MFAP5: variants seen among roughly 807,000 people sequenced by gnomAD.
MFAP5 encodes microfibrillar-associated protein 5.
In MFAP5, 19 loss-of-function variants were observed where a neutral mutation model predicts 30.1. The observed-to-expected ratio is 0.63, with a 90% CI of 0.44 to 0.93. The LOEUF is 0.93. Among genes scored for constraint, MFAP5 ranks in the 40% least tolerant of loss-of-function variants. The pLI, the probability that MFAP5 is intolerant of heterozygous loss-of-function variation, is 0.00. For synonymous variants in MFAP5, 92 were observed against 72.9 expected (o/e 1.26, Z -1.33); for missense variants, 210 against 221.3 (o/e 0.95, Z 0.32).
At chr12:8,656,275 C>T (rs1941984032) in intron 3 of MFAP5, among the ~76,000 whole-genome samples, 1 of 151,676 alleles carries the variant, frequency 6.6e-6, no homozygotes. Context: ...GTCTCGATCT[C>T]CTGACCTCGT....
chr12:8,660,186 T>C (rs1357981780), intron 3 of MFAP5, among the ~76,000 whole-genome samples: 6 of 150,498 alleles, frequency 4.0e-5, no homozygotes, highest in Non-Finnish European at 7.4e-5. Flanking sequence ...ACTTCTTTTT[T>C]TCTAATTTTT....
At chr12:8,651,416 A>G (rs1361288737) in intron 7 of MFAP5, among the ~76,000 whole-genome samples, 1 of 152,174 alleles carries the variant, frequency 6.6e-6, no homozygotes, top group African/African-American at 2.4e-5. Flanking sequence ...ATAATGTGCA[A>G]GGGTACTTTA....
At chr12:8,658,019 C>G (rs1415874195) in intron 3 of MFAP5, among the ~76,000 whole-genome samples, 8 of 152,178 alleles carry the variant, frequency 5.3e-5, no homozygotes, top group Non-Finnish European at 1.2e-4. Context: ...ATTTCCCTTG[C>G]TTACCTCATC....
intron 3 of MFAP5, among the ~76,000 whole-genome samples, chr12:8,660,038 G>A (rs1163943717): frequency 6.6e-6 from 1 of 152,112 alleles, no homozygotes; most frequent in African/African-American, 2.4e-5. Context: ...GAAGGAAGTG[G>A]TCCTCTAGGG....
intron 3 of MFAP5, among the ~76,000 whole-genome samples, chr12:8,659,759 T>C (rs1942097220): frequency 6.6e-6 from 1 of 152,208 alleles, no homozygotes; most frequent in African/African-American, 2.4e-5. Flanking sequence ...TATGGAAAAC[T>C]AAGAGAAGTT....
rs527625003 is a variant in MFAP5, at chr12:8,656,616, A to G, written c.95-786T>C. ...TACACACACACACACACACATATAT[A>G]TACACACATACACACACACACACAC... is the stretch of plus-strand genomic sequence containing the variant. On this transcript the variant is annotated intron_variant, in intron 3 of 9. Coordinates refer to ENST00000359478, the MANE Select transcript of MFAP5 (RefSeq NM_003480.4). Among the ~76,000 whole-genome samples the G allele has an allele frequency of 2.1e-3, 284 of 136,254 alleles. 4 individuals carry two copies. The highest frequency in any genetic ancestry group is 3.6e-3 in the Middle Eastern group (1 of 280). The allele number at this position is 136,254 out of a possible 152,430, so 89.4% of individuals were successfully genotyped here.
intron 8 of MFAP5, 23 bp downstream of exon 8, chr12:8,650,479 T>C (rs1239487107): frequency 1.9e-6 from 3 of 1,604,438 alleles, no homozygotes; most frequent in Non-Finnish European, 2.6e-6. Flanking sequence ...AAGATGCTTT[T>C]TGGGCATTCT....
chr12:8,656,583 T>TATATACACACACACACACACAC (rs757975127), intron 3 of MFAP5, among the ~76,000 whole-genome samples: 4 of 135,654 alleles, frequency 2.9e-5, no homozygotes, highest in Non-Finnish European at 6.1e-5. Context: ...AATATATATA[T>TATATACACACACACACACACAC]ATATATATAC....
chr12:8,655,045 C>T (rs1391565547), intron 5 of MFAP5, among the ~76,000 whole-genome samples: 2 of 151,960 alleles, frequency 1.3e-5, no homozygotes, highest in African/African-American at 2.4e-5. Context: ...CCTGTAATCC[C>T]AGCACTTTGG....
At position 8,652,576 on chromosome 12, in the gene MFAP5, C is replaced by T. The variant is rs191772190; in HGVS notation, c.218-885G>A. On this transcript the variant is annotated intron_variant, in intron 6 of 9. Transcript: ENST00000359478. ...CAAGGAGTTAGATGAATAGACTAGT[C>T]AGGGGAGTTACCAGGAAAAATGTCA... is the stretch of plus-strand genomic sequence containing the variant. 8.9e-4 allele frequency among the ~76,000 whole-genome samples: 135 copies of T among 152,264 alleles called. 1 individual carries two copies. The highest frequency in any genetic ancestry group is 8.1e-3 in the Admixed American group (124 of 15,294).
chr12:8,660,743 A>G, intron 3 of MFAP5, 120 bp downstream of exon 3: 1 of 871,646 alleles, frequency 1.1e-6, no homozygotes, highest in East Asian at 2.5e-5. Context: ...TGTTGTAGGA[A>G]ATATTCTTTT....
intron 3 of MFAP5, among the ~76,000 whole-genome samples, chr12:8,660,236 T>C (rs1469151040): frequency 6.6e-6 from 1 of 151,592 alleles, no homozygotes; most frequent in African/African-American, 2.4e-5. Context: ...TTGCCCAGGC[T>C]GGAGTGCAAT....
At chr12:8,655,560 C>T in intron 4 of MFAP5, 113 bp from the exon 5 acceptor site, 1 of 1,183,090 alleles carries the variant, frequency 8.5e-7, no homozygotes, top group Non-Finnish European at 1.2e-6. Flanking sequence ...AAGTGAAAGC[C>T]TGTGGACTCG....
chr12:8,652,697 C>T (rs1436527485), intron 6 of MFAP5, among the ~76,000 whole-genome samples: 1 of 152,156 alleles, frequency 6.6e-6, no homozygotes, highest in South Asian at 2.1e-4. Flanking sequence ...AATTCCCAAA[C>T]CTGTATTTCC....
intron 6 of MFAP5, among the ~76,000 whole-genome samples, chr12:8,653,189 T>A (rs1941887699): frequency 6.9e-6 from 1 of 145,776 alleles, no homozygotes; most frequent in Non-Finnish European, 1.5e-5. Context: ...CAAGACTCTG[T>A]GTCAAAAAAA....
chr12:8,647,930 C>A lies in MFAP5; in HGVS notation c.*161G>T. 1 of 515,598 alleles carries A rather than the reference C, an allele frequency of 1.9e-6. No individual in the cohort carries two copies. Among genetic ancestry groups the A allele is most frequent in the Non-Finnish European group, 3.5e-6 (1 of 285,942 alleles). The allele number at this position is 515,598 out of a possible 1,614,324, so 31.9% of individuals were successfully genotyped here. The stretch of plus-strand genomic sequence containing the variant: ...TGCTAGAAAATGAGATAAATGTTAT[C>A]AGTTTGGGTGAAAAAGTAGAGAGTA... On this transcript the variant is annotated 3_prime_UTR_variant, in exon 10 of 10. Coordinates refer to ENST00000359478, the MANE Select transcript of MFAP5 (RefSeq NM_003480.4).
intron 6 of MFAP5, among the ~76,000 whole-genome samples, chr12:8,653,705 C>T (rs1044912088): frequency 1.3e-5 from 2 of 152,078 alleles, no homozygotes; most frequent in African/African-American, 2.4e-5. Flanking sequence ...TCCTGATTAT[C>T]GAATTTTGTG....
intron 7 of MFAP5, 69 bp downstream of exon 7, chr12:8,651,593 A>G: frequency 6.8e-7 from 1 of 1,471,270 alleles, no homozygotes; most frequent in South Asian, 1.1e-5. Context: ...TACCCTCCAA[A>G]GAACAAGGAG....
At chr12:8,660,741 G>A (rs957798174) in intron 3 of MFAP5, 122 bp downstream of exon 3, 10 of 863,418 alleles carry the variant, frequency 1.2e-5, no homozygotes, top group Non-Finnish European at 1.8e-5. Flanking sequence ...TTTGTTGTAG[G>A]AAATATTCTT....
Sources: gnomAD v4.1 joint callset for allele counts (sites outside exome capture counted in the v4.1 genomes callset) on GRCh38, gnomAD v4.1.1 for gene constraint, MANE v1.5 for transcripts, NCBI Gene and HGNC (gene_info 2026-07-23, HGNC 2026-07-21) for gene names.